Variants in DYSF observed in about 807,000 individuals in gnomAD.
The protein encoded by DYSF is dysferlin, also known as dystrophy-associated fer-1-like 1.
Under a neutral mutation model 274.9 loss-of-function variants are expected in DYSF, and 212 were observed. The observed-to-expected ratio is 0.77, with a 90% CI of 0.69 to 0.86. The LOEUF (loss-of-function observed/expected upper bound fraction) is 0.86, where lower values mean the gene tolerates loss of function less well. Ranked by LOEUF, DYSF falls within the 40% of genes least tolerant of loss-of-function variation. The pLI, the probability that DYSF is intolerant of heterozygous loss-of-function variation, is 0.00. For missense variants in DYSF, 2,666 were observed against 2,783.2 expected (o/e 0.96, Z 0.95); for synonymous variants, 1,091 against 1,078.7 (o/e 1.01, Z -0.22).
chr2:71,582,066 C>A (rs146147996), intron 30 of DYSF, among the ~76,000 whole-genome samples: 4 of 130,126 alleles, frequency 3.1e-5, no homozygotes, highest in African/African-American at 1.2e-4. Context: ...GTGATCGTGC[C>A]ATTGCACTCC....
rs535394314 is a variant in DYSF, at chr2:71,520,132, C to G, written c.1003-46C>G. The G allele has an allele frequency of 5.0e-6, 8 of 1,613,242 alleles. No individual in the cohort carries two copies. In the African/African-American group the frequency reaches 9.3e-5, roughly 19 times the overall value. On this transcript the variant is annotated intron_variant, in intron 10 of 55. Coordinates refer to ENST00000410020, the MANE Select transcript of DYSF (RefSeq NM_001130987.2). ...ATAATGCACCACACTTTATTTAACG[C>G]TTTGGCGGCAAGAGTTTGATTTGTG...
intron 45 of DYSF, among the ~76,000 whole-genome samples, chr2:71,661,782 T>C (rs770477487): frequency 6.6e-6 from 1 of 152,176 alleles, no homozygotes; most frequent in Non-Finnish European, 1.5e-5. Context: ...CGGGGTCTGT[T>C]GAGTTAGTTG....
rs1355629931 is a variant in DYSF at position 71,520,771 on chromosome 2, G to A, written c.1034-18G>A. On this transcript the variant is annotated intron_variant, in intron 11 of 55. Transcript: ENST00000410020. ...GTCTTCTGATTCTGGGATCACCAGA[G>A]GATGTTGTCTCTCTTAGGGCACGCC... is the stretch of plus-strand genomic sequence containing the variant. 6 of 1,610,946 alleles carry A rather than the reference G, an allele frequency of 3.7e-6. No individual in the cohort carries two copies. The highest frequency in any genetic ancestry group is 5.1e-6 in the Non-Finnish European group (6 of 1,177,512).
At chr2:71,535,438 C>T in intron 16 of DYSF, 127 bp downstream of exon 16, 3 of 1,026,642 alleles carry the variant, frequency 2.9e-6, no homozygotes, top group Non-Finnish European at 4.6e-6. Context: ...GGTAATGTCC[C>T]CTTGGGGTAG....
In DYSF at chr2:71,620,572, C is replaced by T. The variant is rs1260835978; in HGVS notation, c.4490C>T (p.Ala1497Val). ...CTTGCAGACGGTCTGTCGAGCTTGG[C>T]CCCCACTAACACGGCTTCTCCTCCA... ...IQLADGLSSLAPTNTASPPSS... is the reference protein window; with the variant it reads ...IQLADGLSSLVPTNTASPPSS... The change falls in exon 41 of 56, where the codon GCC becomes GTC. Residue 1497 changes from alanine (A) to valine (V), a missense_variant. This residue lies in a region of DYSF where 1,460 missense variants were observed against 1,502.1 expected (regional missense o/e 0.97). Coordinates refer to ENST00000410020, the MANE Select transcript of DYSF (RefSeq NM_001130987.2). 3 of 1,551,684 alleles carry T rather than the reference C, an allele frequency of 1.9e-6. No individual in the cohort carries two copies. Among genetic ancestry groups the T allele is most frequent in the South Asian group, 1.2e-5 (1 of 84,064 alleles).
chr2:71,637,567 C>A (rs766465501), intron 41 of DYSF, among the ~76,000 whole-genome samples: 3 of 152,102 alleles, frequency 2.0e-5, no homozygotes, highest in African/African-American at 7.2e-5. Flanking sequence ...AGGTGCCGGG[C>A]GGCACTGGGG....
rs76869419 is a variant in DYSF at position 71,685,457 on chromosome 2, C to T, written c.6322-997C>T. Among the ~76,000 whole-genome samples, 720 of 152,328 alleles carry T rather than the reference C, an allele frequency of 4.7e-3. 6 individuals carry two copies. Among genetic ancestry groups the T allele is most frequent in the Non-Finnish European group, 6.4e-3 (434 of 68,024 alleles). On this transcript the variant is annotated intron_variant, in intron 55 of 55. Coordinates refer to ENST00000410020, the MANE Select transcript of DYSF (RefSeq NM_001130987.2). Reference sequence around the variant, plus strand: ...ACATCCTGCCTCCTTCCACCCAAGTCACTCATTCATTTGGCCAGTACCAGA... The same window carrying T: ...ACATCCTGCCTCCTTCCACCCAAGTTACTCATTCATTTGGCCAGTACCAGA...
chr2:71,520,998 C>A (rs1245648451), intron 12 of DYSF, 94 bp downstream of exon 12: 1 of 959,060 alleles, frequency 1.0e-6, no homozygotes, highest in East Asian at 2.6e-5. Context: ...ATTTTTTTTT[C>A]TGATTTAAAC....
intron 3 of DYSF, among the ~76,000 whole-genome samples, chr2:71,496,568 G>A (rs529663176): frequency 6.6e-6 from 1 of 152,224 alleles, no homozygotes; most frequent in South Asian, 2.1e-4. Context: ...GACGGTAGGG[G>A]CTGTCCTGAG....
intron 41 of DYSF, among the ~76,000 whole-genome samples, chr2:71,637,279 C>A (rs1362357290): frequency 3.9e-5 from 6 of 152,006 alleles, no homozygotes; most frequent in Non-Finnish European, 7.4e-5. Flanking sequence ...CTTGAATGGA[C>A]CAGAGAGGAT....
At chr2:71,562,045 G>C (rs536007946) in intron 23 of DYSF, 101 bp downstream of exon 23, 1 of 1,485,796 alleles carries the variant, frequency 6.7e-7, no homozygotes. Flanking sequence ...TACCCACCCC[G>C]GTTCCATTGC....
At position 71,534,904 on chromosome 2, in the gene DYSF, C is replaced by T. The variant is rs192358798; in HGVS notation, c.1381-117C>T. On this transcript the variant is annotated intron_variant, in intron 14 of 55. Coordinates refer to ENST00000410020, the MANE Select transcript of DYSF (RefSeq NM_001130987.2). Reference sequence around the variant, plus strand: ...TAGGCCCCAACCCCAGGGTCTTACACCCAGCCCTAAGGGCAGCCAGCATGG... The same window carrying T: ...TAGGCCCCAACCCCAGGGTCTTACATCCAGCCCTAAGGGCAGCCAGCATGG... 165 of 1,100,562 alleles carry T rather than the reference C, an allele frequency of 1.5e-4. No individual in the cohort carries two copies. In the African/African-American group the frequency reaches 2.3e-3, roughly 15 times the overall value. 68.2% of individuals were successfully genotyped at this position (1,100,562 alleles called of 1,614,324 possible). A position where few individuals can be genotyped will look rare whatever the true frequency, so the allele number is the denominator to read the frequency against.
chr2:71,481,707 C>T lies in DYSF; in HGVS notation c.148-172C>T, dbSNP rs138976339. The stretch of plus-strand genomic sequence containing the variant: ...TGTGGTCTTCATCTATCCATCCATC[C>T]ATCCATCCATCCATCCATCCATGCT... On this transcript the variant is annotated intron_variant, in intron 2 of 55. Coordinates refer to ENST00000410020, the MANE Select transcript of DYSF (RefSeq NM_001130987.2). 2.6e-3 allele frequency among the ~76,000 whole-genome samples: 395 copies of T among 151,234 alleles called. 1 individual carries two copies. Among genetic ancestry groups the T allele is most frequent in the African/African-American group, 9.3e-3 (386 of 41,294 alleles).
chr2:71,593,125 C>CTTTT lies in DYSF; in HGVS notation c.3574+2858_3574+2861dup, dbSNP rs35900869. 8.8e-3 allele frequency among the ~76,000 whole-genome samples: 748 copies of CTTTT among 85,234 alleles called. 2 individuals are homozygous for CTTTT. Among genetic ancestry groups the CTTTT allele is most frequent in the East Asian group, 0.012 (29 of 2,398 alleles). The allele number at this position is 85,234 out of a possible 152,430, so 55.9% of individuals were successfully genotyped here. A position where few individuals can be genotyped will look rare whatever the true frequency, so the allele number is the denominator to read the frequency against. ...AAAGTGATACTTAATTCAGTGACTT[C>CTTTT]TTTTTTTTTTTTTTTTTTTTTTTTG... On this transcript the variant is annotated intron_variant, in intron 32 of 55. Transcript: ENST00000410020.
chr2:71,679,749 C>A (rs2095273021), intron 53 of DYSF, among the ~76,000 whole-genome samples: 1 of 152,084 alleles, frequency 6.6e-6, no homozygotes, highest in South Asian at 2.1e-4. Flanking sequence ...AGCCAGCCAA[C>A]CCTGAAAGTG....
At chr2:71,553,312 C>A (rs1482878468) in intron 20 of DYSF, 124 bp downstream of exon 20, 3 of 1,395,052 alleles carry the variant, frequency 2.2e-6, no homozygotes, top group Middle Eastern at 2.5e-4. Context: ...CTGGCCCTGG[C>A]AAACCTGTTC....
intron 3 of DYSF, among the ~76,000 whole-genome samples, chr2:71,485,730 C>A (rs1383239279): frequency 1.3e-5 from 2 of 152,264 alleles, no homozygotes; most frequent in South Asian, 4.1e-4. Flanking sequence ...GAAAACCATA[C>A]CAGGGAGTAA....
intron 2 of DYSF, 55 bp from the exon 3 acceptor site, chr2:71,481,824 A>T (rs1299482300): frequency 4.8e-6 from 7 of 1,461,362 alleles, no homozygotes; most frequent in Non-Finnish European, 6.7e-6. Context: ...AACCAGACAC[A>T]GTCTCTTCTC....
chr2:71,659,092 A>G (rs750751343), intron 44 of DYSF, 59 bp downstream of exon 44: 9 of 1,609,910 alleles, frequency 5.6e-6, no homozygotes, highest in Middle Eastern at 1.7e-4. Context: ...CAAGTGGCCT[A>G]TAGAACCTGG....
Sources: gnomAD v4.1 joint callset for allele counts (sites outside exome capture counted in the v4.1 genomes callset) on GRCh38, gnomAD v4.1.1 for gene constraint, gnomAD v4.1.1 regional missense constraint, MANE v1.5 for transcripts, NCBI Gene and HGNC (gene_info 2026-07-23, HGNC 2026-07-21) for gene names.